CNTNAP5: variants seen among roughly 807,000 people sequenced by gnomAD.
CNTNAP5 encodes contactin associated protein family member 5.
In CNTNAP5, 72 loss-of-function variants were observed where a neutral mutation model predicts 150.2. The observed-to-expected ratio is 0.48, with a 90% CI of 0.40 to 0.58. CNTNAP5 has a LOEUF of 0.58. Ranked by LOEUF, CNTNAP5 falls within the 20% of genes least tolerant of loss-of-function variation. The pLI, the probability that CNTNAP5 is intolerant of heterozygous loss-of-function variation, is 0.00. For synonymous variants in CNTNAP5, 672 were observed against 619.8 expected (o/e 1.08, Z -1.25); for missense variants, 1,636 against 1,626.2 (o/e 1.01, Z -0.10).
intron 13 of CNTNAP5, among the ~76,000 whole-genome samples, chr2:124,674,956 C>T (rs6541968): frequency 0.56 from 85,201 of 151,656 alleles, 24,828 homozygotes; most frequent in African/African-American, 0.65. Context: ...CATTCTGTTG[C>T]TATTTGGAGT....
At chr2:124,671,435 T>C (rs973718467) in intron 13 of CNTNAP5, among the ~76,000 whole-genome samples, 3 of 152,174 alleles carry the variant, frequency 2.0e-5, no homozygotes, top group Non-Finnish European at 4.4e-5. Flanking sequence ...AATGGGGTTG[T>C]TGTGAGGATT....
At chr2:124,217,273 T>C (rs1218413545) in intron 1 of CNTNAP5, among the ~76,000 whole-genome samples, 1 of 152,180 alleles carries the variant, frequency 6.6e-6, no homozygotes, top group African/African-American at 2.4e-5. Context: ...CCCCAGTTTC[T>C]TCACCCCTTC....
chr2:124,049,848 T>C (rs1209244932), intron 1 of CNTNAP5, among the ~76,000 whole-genome samples: 1 of 152,218 alleles, frequency 6.6e-6, no homozygotes, highest in Non-Finnish European at 1.5e-5. Flanking sequence ...GCAGATTCAA[T>C]GTCTAATGAG....
At chr2:124,291,411 CTATT>C (rs530204664) in intron 3 of CNTNAP5, among the ~76,000 whole-genome samples, 7 of 152,038 alleles carry the variant, frequency 4.6e-5, no homozygotes, top group Admixed American at 2.0e-4. Flanking sequence ...ATACTGGCAA[CTATT>C]AATTAATATT....
chr2:124,100,820 ACACCACTGTACTACAGCCTGGG>A, intron 1 of CNTNAP5, among the ~76,000 whole-genome samples: 1 of 150,426 alleles, frequency 6.6e-6, no homozygotes, highest in Admixed American at 6.7e-5. Flanking sequence ...AACTGAGATC[ACACCACTGTACTACAGCCTGGG>A]CAAAAAAGTG....
At chr2:124,693,171 G>A (rs1291312307) in intron 13 of CNTNAP5, among the ~76,000 whole-genome samples, 1 of 152,026 alleles carries the variant, frequency 6.6e-6, no homozygotes, top group African/African-American at 2.4e-5. Context: ...TGGACCAAGT[G>A]CTTTAACCTT....
intron 3 of CNTNAP5, among the ~76,000 whole-genome samples, chr2:124,248,925 T>C (rs1421126786): frequency 6.6e-6 from 1 of 152,206 alleles, no homozygotes; most frequent in Non-Finnish European, 1.5e-5. Context: ...TTCTCCTAAA[T>C]CCACTGCTAT....
At chr2:124,542,741 T>C (rs1426329650) in intron 10 of CNTNAP5, among the ~76,000 whole-genome samples, 1 of 152,182 alleles carries the variant, frequency 6.6e-6, no homozygotes, top group Admixed American at 6.5e-5. Context: ...GTTTTCTATT[T>C]GTATCTTGCC....
intron 14 of CNTNAP5, among the ~76,000 whole-genome samples, chr2:124,757,674 T>G (rs943980002): frequency 6.6e-6 from 1 of 152,168 alleles, no homozygotes; most frequent in Admixed American, 6.5e-5. Flanking sequence ...TTTCCTAGCG[T>G]TATTCTCAGG....
At chr2:124,228,188 C>T (rs536461497) in intron 2 of CNTNAP5, among the ~76,000 whole-genome samples, 32 of 152,194 alleles carry the variant, frequency 2.1e-4, no homozygotes, top group Admixed American at 1.4e-3. Context: ...GACCCAAGAA[C>T]CTGGAATTCT....
At chr2:124,729,597 T>G (rs1680227679) in intron 13 of CNTNAP5, among the ~76,000 whole-genome samples, 1 of 152,130 alleles carries the variant, frequency 6.6e-6, no homozygotes, top group Non-Finnish European at 1.5e-5. Flanking sequence ...GGGGTAAGAT[T>G]GTTGAACTGG....
At chr2:124,039,255 C>A (rs1226362285) in intron 1 of CNTNAP5, among the ~76,000 whole-genome samples, 4 of 152,130 alleles carry the variant, frequency 2.6e-5, no homozygotes, top group Non-Finnish European at 4.4e-5. Flanking sequence ...TCCCTTGGGA[C>A]CTCCTCCAAA....
At chr2:124,728,924 AAAT>A (rs1680214546) in intron 13 of CNTNAP5, among the ~76,000 whole-genome samples, 1 of 107,390 alleles carries the variant, frequency 9.3e-6, no homozygotes, top group Non-Finnish European at 2.4e-5. Context: ...GTGAATTTCC[AAAT>A]GTGAATTTCC....
At chr2:124,786,344 A>AAAGACAGG (rs1558774926) in intron 17 of CNTNAP5, among the ~76,000 whole-genome samples, 1 of 112,232 alleles carries the variant, frequency 8.9e-6, no homozygotes, top group East Asian at 2.6e-4. Context: ...AGAAAGAAAG[A>AAAGACAGG]AAGAAAGGAA....
chr2:124,747,752 T>C (rs2105145818), intron 14 of CNTNAP5, among the ~76,000 whole-genome samples: 1 of 146,270 alleles, frequency 6.8e-6, no homozygotes, highest in Admixed American at 6.9e-5. Context: ...CCTGAGTAGC[T>C]GGGAGCAAAA....
intron 3 of CNTNAP5, among the ~76,000 whole-genome samples, chr2:124,367,928 A>C (rs948952771): frequency 6.6e-6 from 1 of 152,210 alleles, no homozygotes; most frequent in African/African-American, 2.4e-5. Flanking sequence ...ATCTGAACAG[A>C]TATTTACTTC....
intron 13 of CNTNAP5, among the ~76,000 whole-genome samples, chr2:124,674,060 G>A (rs986108566): frequency 6.6e-6 from 1 of 152,030 alleles, no homozygotes; most frequent in Non-Finnish European, 1.5e-5. Flanking sequence ...AAACCCAGCA[G>A]TGATATATCC....
At chr2:124,091,992 T>C (rs1214199958) in intron 1 of CNTNAP5, among the ~76,000 whole-genome samples, 2 of 152,212 alleles carry the variant, frequency 1.3e-5, no homozygotes, top group East Asian at 1.9e-4. Flanking sequence ...TGTGTCGATC[T>C]GGGCTGGTGC....
chr2:124,645,936 C>A (rs1347833143), intron 12 of CNTNAP5, among the ~76,000 whole-genome samples: 1 of 151,996 alleles, frequency 6.6e-6, no homozygotes, highest in African/African-American at 2.4e-5. Flanking sequence ...AGGTGCCATG[C>A]ACTTTAAACA....
Sources: allele counts gnomAD v4.1 joint callset (sites outside exome capture counted in the v4.1 genomes callset), GRCh38; gene constraint gnomAD v4.1.1; transcripts MANE v1.5; gene names NCBI Gene and HGNC (gene_info 2026-07-23, HGNC 2026-07-21).